ABLIM1: variants seen among roughly 807,000 people sequenced by gnomAD.
ABLIM1 encodes the protein actin binding LIM protein 1.
Under a neutral mutation model 107.0 loss-of-function variants are expected in ABLIM1, and 40 were observed. That is an observed-to-expected ratio of 0.37 (90% CI 0.29 to 0.49). The LOEUF (loss-of-function observed/expected upper bound fraction) is 0.49. Among genes scored for constraint, ABLIM1 ranks in the 20% least tolerant of loss-of-function variants. The pLI is 0.97. For missense variants in ABLIM1, 857 were observed against 1,008.5 expected, an observed-to-expected ratio of 0.85 and a Z score of 2.04; for synonymous variants, 357 against 357.3, an observed-to-expected ratio of 1.00 and a Z score of 0.01.
intron 1 of ABLIM1, among the ~76,000 whole-genome samples, chr10:114,721,186 T>C (rs1030067906): frequency 1.3e-5 from 2 of 152,192 alleles, no homozygotes; most frequent in African/African-American, 2.4e-5. Flanking sequence ...GTGTTTTTTT[T>C]CCAAACACGT....
the ABLIM1 span, among the ~76,000 whole-genome samples, chr10:114,787,715 A>G: frequency 5.3e-5 from 7 of 131,384 alleles, no homozygotes; most frequent in Admixed American, 7.4e-5. Context: ...TGGGGGGGTC[A>G]GCCCCCCGCC....
chr10:114,468,080 C>A, intron 11 of ABLIM1, 101 bp downstream of exon 11: 1 of 1,111,716 alleles, frequency 9.0e-7, no homozygotes, highest in Non-Finnish European at 1.4e-6. Context: ...TTTTTCTGTT[C>A]TTTTGTATGT....
the ABLIM1 span, among the ~76,000 whole-genome samples, chr10:114,789,791 GTT>G: frequency 1.7e-4 from 23 of 135,014 alleles, no homozygotes; most frequent in Non-Finnish European, 2.0e-4. Context: ...ATGTATATTT[GTT>G]TTTTTTTTTT....
chr10:114,750,239 T>C (rs808310), intron 1 of ABLIM1, among the ~76,000 whole-genome samples: 16,772 of 152,192 alleles, frequency 0.11, 946 homozygotes, highest in Middle Eastern at 0.15. Flanking sequence ...ACAAATATTG[T>C]TCCCTAAATA....
At chr10:114,493,132 A>G (rs1235866725) in intron 6 of ABLIM1, among the ~76,000 whole-genome samples, 2 of 152,286 alleles carry the variant, frequency 1.3e-5, no homozygotes, top group African/African-American at 2.4e-5. Flanking sequence ...AAGGCGGGAA[A>G]TATCAACACA....
chr10:114,504,462 C>T (rs896223011), intron 6 of ABLIM1, among the ~76,000 whole-genome samples: 6 of 152,118 alleles, frequency 3.9e-5, no homozygotes, highest in African/African-American at 1.4e-4. Context: ...AGTAAGTATT[C>T]TTTTTTTCCT....
chr10:114,764,495 C>T (rs976033076), intron 1 of ABLIM1, among the ~76,000 whole-genome samples: 12 of 152,118 alleles, frequency 7.9e-5, no homozygotes, highest in African/African-American at 2.9e-4. Flanking sequence ...GCGTGTGCCA[C>T]CATGCCCGGC....
At chr10:114,556,277 G>A (rs147536299) in intron 4 of ABLIM1, among the ~76,000 whole-genome samples, 154 of 152,340 alleles carry the variant, frequency 1.0e-3, no homozygotes, top group African/African-American at 3.2e-3. Context: ...TGACCTGAAC[G>A]TGGATCAGAT....
In ABLIM1 at chr10:114,752,490, AG is replaced by A. The variant is rs200960708; in HGVS notation, c.-213+15570del. Among the ~76,000 whole-genome samples the A allele has an allele frequency of 8.1e-3, 1,228 of 152,316 alleles. 15 individuals are homozygous for A. The highest frequency in any genetic ancestry group is 0.028 in the African/African-American group (1,182 of 41,564). On this transcript the variant is annotated intron_variant, in intron 1 of 15. Transcript: ENST00000651092. ...TTCAGGATGTGCAGGTTTGTTACAT[AG>A]GTAAACGTGCTCCACAGTGGTTTGC... is the stretch of plus-strand genomic sequence containing the variant.
At chr10:114,557,681 T>TG (rs1565926876) in intron 4 of ABLIM1, among the ~76,000 whole-genome samples, 1 of 148,798 alleles carries the variant, frequency 6.7e-6, no homozygotes, top group African/African-American at 2.5e-5. Flanking sequence ...GTTTTTTTTT[T>TG]TTTTTTTTTT....
the ABLIM1 span, among the ~76,000 whole-genome samples, chr10:114,793,696 C>T: frequency 4.5e-3 from 691 of 152,300 alleles, 5 homozygotes; most frequent in African/African-American, 0.016. Flanking sequence ...AGGCCCATTA[C>T]TGGGAGATGG....
the ABLIM1 span, among the ~76,000 whole-genome samples, chr10:114,782,371 TG>T: frequency 1.3e-5 from 2 of 152,102 alleles, no homozygotes; most frequent in Non-Finnish European, 2.9e-5. Context: ...TTAAATTGAT[TG>T]GGTAATTAAG....
At chr10:114,684,443 T>C (rs1220976778) in exon 1 of ABLIM1, 15 of 1,576,726 alleles carry the variant, frequency 9.5e-6, no homozygotes, top group African/African-American at 1.3e-5. Context: ...GCTGGGGCCC[T>C]GGCTCTCCTC....
chr10:114,651,599 G>A (rs548702150), intron 1 of ABLIM1, among the ~76,000 whole-genome samples: 1 of 152,254 alleles, frequency 6.6e-6, no homozygotes, highest in Admixed American at 6.5e-5. Context: ...ACCGTCAAGA[G>A]CTTGAAACGT....
chr10:114,620,578 T>G (rs1304963330), intron 1 of ABLIM1, among the ~76,000 whole-genome samples: 1 of 151,926 alleles, frequency 6.6e-6, no homozygotes, highest in Non-Finnish European at 1.5e-5. Flanking sequence ...CCCAGCTAAT[T>G]TTTTTGTATT....
At chr10:114,794,948 C>T in the ABLIM1 span, among the ~76,000 whole-genome samples, 2 of 152,078 alleles carry the variant, frequency 1.3e-5, no homozygotes, top group African/African-American at 4.8e-5. Flanking sequence ...ATTGGACATA[C>T]ATCTGAATTT....
At chr10:114,547,954 G>A (rs2067569611) in intron 4 of ABLIM1, among the ~76,000 whole-genome samples, 178 bp from the exon 5 acceptor site, 1 of 152,184 alleles carries the variant, frequency 6.6e-6, no homozygotes, top group Non-Finnish European at 1.5e-5. Context: ...CTCACAGGCT[G>A]CGTCCTCGGA....
rs1197261479 is a variant in ABLIM1, at chr10:114,435,539, A to AAGGG, written c.*717_*720dup. The AAGGG allele has an allele frequency of 6.6e-6, 1 of 152,246 alleles. No homozygotes were observed. The highest frequency in any genetic ancestry group is 2.4e-5 in the African/African-American group (1 of 41,470). 9.4% of individuals were successfully genotyped at this position (152,246 alleles called of 1,614,324 possible). On this transcript the variant is annotated 3_prime_UTR_variant, in exon 23 of 23. Coordinates refer to ENST00000533213, the MANE Select transcript of ABLIM1 (RefSeq NM_002313.7). Reference sequence around the variant, plus strand: ...CCTGCTATGGGAAGCAGAAAGAGTTAAGGGAAGGTTTCCTTTCATTCCTGT... The same window carrying AAGGG: ...CCTGCTATGGGAAGCAGAAAGAGTTAAGGGAGGGAAGGTTTCCTTTCATTCCTGT...
upstream of ABLIM1, chr10:114,658,310 T>C (rs1357260828): frequency 2.7e-6 from 4 of 1,502,452 alleles, no homozygotes; most frequent in Non-Finnish European, 3.5e-6. Flanking sequence ...CTTTTCTCAC[T>C]GCCCAGCAAA....
Sources: allele counts gnomAD v4.1 joint callset (sites outside exome capture counted in the v4.1 genomes callset), GRCh38; gene constraint gnomAD v4.1.1; transcripts MANE v1.5; gene names NCBI Gene and HGNC (gene_info 2026-07-23, HGNC 2026-07-21).